Variants in FBXL13 observed in about 807,000 individuals in gnomAD.
FBXL13 encodes F-box and leucine rich repeat protein 13, also known as F-box and leucine-rich repeat protein 13.
FBXL13 carries 67 observed loss-of-function variants against 83.6 expected under a neutral mutation model. The ratio of observed to expected loss-of-function variants is 0.80; its 90% CI spans 0.66 to 0.98. The LOEUF is 0.98. Among genes scored for constraint, FBXL13 ranks in the 50% least tolerant of loss-of-function variants. The pLI is 0.00. For missense variants in FBXL13, 822 were observed against 866.5 expected, an observed-to-expected ratio of 0.95 and a Z score of 0.64; for synonymous variants, 272 against 299.5, an observed-to-expected ratio of 0.91 and a Z score of 0.95.
chr7:103,035,312 G>C (rs1437612009), intron 2 of FBXL13, among the ~76,000 whole-genome samples: 1 of 152,182 alleles, frequency 6.6e-6, no homozygotes, highest in Non-Finnish European at 1.5e-5. Context: ...ATAGCTTTGG[G>C]ATTCCCAGAC....
intron 8 of FBXL13, among the ~76,000 whole-genome samples, chr7:102,945,828 T>C (rs185923679): frequency 6.6e-6 from 1 of 152,340 alleles, no homozygotes; most frequent in East Asian, 1.9e-4. Context: ...CCACCTTATC[T>C]GATACTTGCA....
At chr7:103,043,811 A>T (rs911521706) in intron 2 of FBXL13, among the ~76,000 whole-genome samples, 1 of 152,158 alleles carries the variant, frequency 6.6e-6, no homozygotes, top group Non-Finnish European at 1.5e-5. Flanking sequence ...ACTGCACCCA[A>T]CCTGAATATA....
intron 18 of FBXL13, among the ~76,000 whole-genome samples, chr7:102,831,323 T>C (rs1800626206): frequency 6.6e-6 from 1 of 151,386 alleles, no homozygotes; most frequent in African/African-American, 2.4e-5. Flanking sequence ...TCTGGAGGGA[T>C]GGGATCTTAT....
At chr7:102,960,337 A>G (rs1300455759) in intron 8 of FBXL13, among the ~76,000 whole-genome samples, 2 of 152,112 alleles carry the variant, frequency 1.3e-5, no homozygotes, top group East Asian at 3.8e-4. Flanking sequence ...TTGTGGCAAT[A>G]ATCAATAGCT....
intron 2 of FBXL13, among the ~76,000 whole-genome samples, chr7:103,054,194 G>A (rs1797111778): frequency 8.4e-6 from 1 of 118,816 alleles, no homozygotes. Context: ...AGACCAGCCT[G>A]GCCAACATGG....
intron 17 of FBXL13, among the ~76,000 whole-genome samples, chr7:102,839,185 G>A (rs1346005499): frequency 6.6e-6 from 1 of 152,158 alleles, no homozygotes; most frequent in Admixed American, 6.5e-5. Flanking sequence ...TCTGGCTTAC[G>A]TGCACATCCA....
At chr7:102,824,703 C>T (rs1236870217) in intron 18 of FBXL13, among the ~76,000 whole-genome samples, 1 of 151,612 alleles carries the variant, frequency 6.6e-6, no homozygotes, top group African/African-American at 2.4e-5. Context: ...TCAGGCTGGT[C>T]TCAAACTGAT....
intron 2 of FBXL13, among the ~76,000 whole-genome samples, chr7:103,041,016 C>T (rs1024393067): frequency 6.6e-6 from 1 of 151,988 alleles, no homozygotes; most frequent in African/African-American, 2.4e-5. Context: ...AAAAACCCTT[C>T]GAAAAACCAA....
At chr7:102,961,635 GA>G (rs1320304811) in intron 8 of FBXL13, among the ~76,000 whole-genome samples, 1 of 151,814 alleles carries the variant, frequency 6.6e-6, no homozygotes, top group Non-Finnish European at 1.5e-5. Context: ...TACCAAAACA[GA>G]GATATAGACC....
intron 2 of FBXL13, among the ~76,000 whole-genome samples, chr7:103,035,690 C>G (rs911092491): frequency 6.6e-6 from 1 of 151,786 alleles, no homozygotes; most frequent in Non-Finnish European, 1.5e-5. Context: ...TGGTAAGAAC[C>G]AAATGTAAAA....
intron 17 of FBXL13, among the ~76,000 whole-genome samples, chr7:102,843,012 C>T (rs1486145864): frequency 6.6e-6 from 1 of 152,232 alleles, no homozygotes; most frequent in East Asian, 1.9e-4. Context: ...TGCCGAATCC[C>T]TCCTCCTCTA....
intron 6 of FBXL13, among the ~76,000 whole-genome samples, chr7:102,984,279 T>C (rs1256288080): frequency 6.6e-6 from 1 of 152,152 alleles, no homozygotes; most frequent in Non-Finnish European, 1.5e-5. Context: ...GAACCACCCT[T>C]GGTACCAAAA....
At chr7:102,940,709 T>C (rs564301564) in intron 8 of FBXL13, among the ~76,000 whole-genome samples, 1 of 152,310 alleles carries the variant, frequency 6.6e-6, no homozygotes, top group South Asian at 2.1e-4. Context: ...CCTTCAAATC[T>C]CTTCTCCATT....
chr7:102,848,976 G>A (rs1055721040), intron 17 of FBXL13, among the ~76,000 whole-genome samples: 1 of 152,022 alleles, frequency 6.6e-6, no homozygotes, highest in Non-Finnish European at 1.5e-5. Context: ...CTCCAGCTTG[G>A]GCAACAAGAG....
At chr7:102,920,879 C>A (rs781665254) in intron 10 of FBXL13, among the ~76,000 whole-genome samples, 3 of 152,148 alleles carry the variant, frequency 2.0e-5, no homozygotes, top group Non-Finnish European at 4.4e-5. Context: ...TCAGGCTGGG[C>A]GTGTTGGCTC....
At position 102,968,213 on chromosome 7, in the gene FBXL13, G is replaced by GCA. The variant is rs201405817; in HGVS notation, c.496-98_496-97dup. 773 of 719,820 alleles carry GCA rather than the reference G, an allele frequency of 1.1e-3. 5 individuals are homozygous for GCA. In the African/African-American group the frequency reaches 0.013, roughly 12 times the overall value. The allele number at this position is 719,820 out of a possible 1,614,324, so 44.6% of individuals were successfully genotyped here. On this transcript the variant is annotated intron_variant, in intron 6 of 19. Transcript: ENST00000313221. ...TCTGTGTGTGTGCACACATGTGCGT[G>GCA]CACACACACACGCATTAGTAATAAT...
At chr7:102,973,542 G>T (rs368561576) in intron 6 of FBXL13, 2 of 764,694 alleles carry the variant, frequency 2.6e-6, no homozygotes, top group Non-Finnish European at 4.8e-6. Flanking sequence ...CATTAAAACA[G>T]CAGGTTGCTC....
At chr7:102,853,795 G>T (rs1805621666) in intron 17 of FBXL13, among the ~76,000 whole-genome samples, 1 of 152,208 alleles carries the variant, frequency 6.6e-6, no homozygotes, top group South Asian at 2.1e-4. Context: ...GGCCATCAGA[G>T]AAATGCAAAT....
At chr7:102,954,365 C>G (rs1250499697) in intron 8 of FBXL13, among the ~76,000 whole-genome samples, 1 of 152,174 alleles carries the variant, frequency 6.6e-6, no homozygotes, top group Non-Finnish European at 1.5e-5. Flanking sequence ...CACCACCAGG[C>G]CTGCCTTACA....
Sources: allele counts gnomAD v4.1 joint callset (sites outside exome capture counted in the v4.1 genomes callset), GRCh38; gene constraint gnomAD v4.1.1; transcripts MANE v1.5; gene names NCBI Gene and HGNC (gene_info 2026-07-23, HGNC 2026-07-21).